The following IMMP2L variants were observed in gnomAD, a reference collection of about 807,000 sequenced individuals.
The protein encoded by IMMP2L is mitochondrial inner membrane protease subunit 2.
IMMP2L carries 18 observed loss-of-function variants against 19.3 expected under a neutral mutation model. That is an observed-to-expected ratio of 0.93 (90% CI 0.64 to 1.38). The LOEUF is 1.38. Among genes scored for constraint, IMMP2L ranks in the 40% most tolerant of loss-of-function variants. The pLI is 0.00. For synonymous variants in IMMP2L, 76 were observed against 73.0 expected, an observed-to-expected ratio of 1.04 and a Z score of -0.21; for missense variants, 233 against 218.2, an observed-to-expected ratio of 1.07 and a Z score of -0.43.
intron 3 of IMMP2L, among the ~76,000 whole-genome samples, chr7:111,055,146 G>A (rs1793389624): frequency 6.6e-6 from 1 of 151,872 alleles, no homozygotes; most frequent in South Asian, 2.1e-4. Flanking sequence ...AAACTCTTGG[G>A]CTCGGGCAAG....
At chr7:111,518,516 C>T (rs900421301) in intron 2 of IMMP2L, among the ~76,000 whole-genome samples, 12 of 152,212 alleles carry the variant, frequency 7.9e-5, no homozygotes, top group African/African-American at 2.9e-4. Context: ...GAGATCTCCA[C>T]ACCATGCCAA....
chr7:110,963,125 T>C, intron 4 of IMMP2L: 1 of 1,493,360 alleles, frequency 6.7e-7, no homozygotes, highest in South Asian at 1.3e-5. Flanking sequence ...AGTTTCTGCA[T>C]TTGCTTCTAA....
rs570001533 is a variant in IMMP2L, at chr7:111,422,708, T to C, written c.239+64530A>G. Among the ~76,000 whole-genome samples the C allele has an allele frequency of 3.7e-4, 56 of 151,978 alleles. 1 individual carries two copies. The highest frequency in any genetic ancestry group is 1.3e-3 in the African/African-American group (55 of 41,260). On this transcript the variant is annotated intron_variant, in intron 3 of 5. Transcript: ENST00000405709. ...TCTTTTCCTAACTGAATACCCTTTA[T>C]TTCTTTCTCTTGCCTGATTGCCCTG...
chr7:111,216,359 T>C (rs1055569071), intron 3 of IMMP2L, among the ~76,000 whole-genome samples: 2 of 152,190 alleles, frequency 1.3e-5, no homozygotes, highest in Admixed American at 1.3e-4. Context: ...ACATTCCACA[T>C]CTTAAACTTG....
At chr7:110,868,486 G>T (rs1387000994) in intron 5 of IMMP2L, among the ~76,000 whole-genome samples, 1 of 152,012 alleles carries the variant, frequency 6.6e-6, no homozygotes, top group African/African-American at 2.4e-5. Context: ...AGGCTGGGGG[G>T]TTCAAATCAT....
At chr7:111,315,535 G>A (rs1584585051) in intron 3 of IMMP2L, among the ~76,000 whole-genome samples, 2 of 151,956 alleles carry the variant, frequency 1.3e-5, no homozygotes, top group East Asian at 3.9e-4. Flanking sequence ...ATATTTTCCA[G>A]GATGGACAAT....
rs981081935 is a variant in IMMP2L, at chr7:111,562,097, G to C, written c.-249C>G. On this transcript the variant is annotated 5_prime_UTR_variant, in exon 1 of 6. Coordinates refer to ENST00000405709, the MANE Select transcript of IMMP2L (RefSeq NM_032549.4). ...GCCCCTTTGTGAGGACTGGGAGAGG[G>C]CGCGTTGTTGGGGCGCCGGCTCGGC... 6.6e-6 allele frequency: 1 copy of C among 152,374 alleles called. No individual in the cohort carries two copies. The highest frequency in any genetic ancestry group is 2.4e-5 in the African/African-American group (1 of 41,442). The allele number at this position is 152,374 out of a possible 1,614,324, so 9.4% of individuals were successfully genotyped here.
chr7:111,228,720 A>G (rs1813379810), intron 3 of IMMP2L, among the ~76,000 whole-genome samples: 1 of 152,124 alleles, frequency 6.6e-6, no homozygotes, highest in Non-Finnish European at 1.5e-5. Context: ...TCAAAAATGC[A>G]TAAATATTCT....
At chr7:110,822,662 C>A (rs79022212) in intron 5 of IMMP2L, among the ~76,000 whole-genome samples, 2,383 of 152,118 alleles carry the variant, frequency 0.016, 56 homozygotes, top group African/African-American at 0.054. Context: ...AGGCTCTGTA[C>A]TTTTAATGTT....
intron 3 of IMMP2L, among the ~76,000 whole-genome samples, chr7:111,050,350 T>C (rs1792887021): frequency 6.6e-6 from 1 of 152,180 alleles, no homozygotes; most frequent in Admixed American, 6.5e-5. Flanking sequence ...TATCAATCTC[T>C]AGGAGCTTAG....
At chr7:111,206,267 C>A (rs929640020) in intron 3 of IMMP2L, among the ~76,000 whole-genome samples, 2 of 152,150 alleles carry the variant, frequency 1.3e-5, no homozygotes, top group Non-Finnish European at 2.9e-5. Flanking sequence ...TCCTCTCCAT[C>A]CACCCAGAGG....
At chr7:110,926,522 T>C (rs147426952) in intron 4 of IMMP2L, among the ~76,000 whole-genome samples, 110 of 152,266 alleles carry the variant, frequency 7.2e-4, no homozygotes, top group Non-Finnish European at 1.4e-3. Flanking sequence ...TCCTCATCTC[T>C]TTCATGCCTA....
intron 5 of IMMP2L, among the ~76,000 whole-genome samples, chr7:110,667,622 T>A (rs1458878946): frequency 6.6e-6 from 1 of 152,138 alleles, no homozygotes; most frequent in African/African-American, 2.4e-5. Context: ...AAAAGGACCA[T>A]GAGCCAAGGA....
chr7:111,254,346 C>T (rs1816472062), intron 3 of IMMP2L, among the ~76,000 whole-genome samples: 1 of 152,004 alleles, frequency 6.6e-6, no homozygotes, highest in Admixed American at 6.6e-5. Context: ...TGAATATATG[C>T]AAATCTGCAA....
chr7:110,815,367 C>A (rs1802404172), intron 5 of IMMP2L, among the ~76,000 whole-genome samples: 2 of 151,980 alleles, frequency 1.3e-5, no homozygotes, highest in Admixed American at 1.3e-4. Flanking sequence ...ATTCGGTTTG[C>A]CAGTATTTTA....
chr7:111,559,161 G>T (rs1232697968), intron 1 of IMMP2L, among the ~76,000 whole-genome samples: 1 of 152,150 alleles, frequency 6.6e-6, no homozygotes, highest in Non-Finnish European at 1.5e-5. Flanking sequence ...ATAATCTACT[G>T]ACAAAACATA....
rs564443475 is a variant in IMMP2L, at chr7:111,321,213, C to T, written c.239+166025G>A. ...TTTGACTTACCCTTATTTGCTCCTA[C>T]GATAATACCAAAAAAGCATCTGTCC... On this transcript the variant is annotated intron_variant, in intron 3 of 5. Transcript: ENST00000405709. 2.0e-5 allele frequency among the ~76,000 whole-genome samples: 3 copies of T among 151,948 alleles called. No individual in the cohort carries two copies. The East Asian group carries it at 5.8e-4, about 29-fold the overall frequency.
chr7:110,772,961 T>TTC (rs148096326), intron 5 of IMMP2L, among the ~76,000 whole-genome samples: 1 of 152,004 alleles, frequency 6.6e-6, no homozygotes, highest in African/African-American at 2.4e-5. Context: ...CTTTTTTTTT[T>TTC]CCCTTTGTCC....
intron 3 of IMMP2L, among the ~76,000 whole-genome samples, chr7:111,337,207 A>T (rs1826513485): frequency 6.6e-6 from 1 of 152,018 alleles, no homozygotes; most frequent in Admixed American, 6.6e-5. Context: ...TTCTTTTTTT[A>T]AAAAAAGCAG....
Sources: allele counts gnomAD v4.1 joint callset (sites outside exome capture counted in the v4.1 genomes callset), GRCh38; gene constraint gnomAD v4.1.1; transcripts MANE v1.5; gene names NCBI Gene and HGNC (gene_info 2026-07-23, HGNC 2026-07-21).